The following THBS3 variants were observed in gnomAD, a reference collection of about 807,000 sequenced individuals.
THBS3 encodes thrombospondin 3.
In THBS3, 78 loss-of-function variants were observed where a neutral mutation model predicts 118.3. The observed-to-expected ratio is 0.66, with a 90% CI of 0.55 to 0.80. The LOEUF is 0.80. Ranked by LOEUF, THBS3 falls within the 30% of genes least tolerant of loss-of-function variation. The probability of loss-of-function intolerance (pLI) is 0.00; values close to 1 mark genes in which losing one functional copy is unlikely to be tolerated. For synonymous variants in THBS3, 427 were observed against 475.3 expected (o/e 0.90, Z 1.32); for missense variants, 1,057 against 1,247.4 (o/e 0.85, Z 2.30).
Position 155,201,712 on chromosome 1 carries a change from C to T in THBS3, c.1177-143G>A, listed in dbSNP as rs1470466085. ...ATCTCCTTTAGGTTATCATGACAAC[C>T]TTTCAGGGTGGATAACAGCCTCAGT... On this transcript the variant is annotated intron_variant, in intron 10 of 22. Coordinates refer to ENST00000368378, the MANE Select transcript of THBS3 (RefSeq NM_007112.5). 5 of 1,060,306 alleles carry T rather than the reference C, an allele frequency of 4.7e-6. No individual in the cohort carries two copies. The Admixed American group carries it at 1.0e-4, about 21-fold the overall frequency. 65.7% of individuals were successfully genotyped at this position (1,060,306 alleles called of 1,614,324 possible).
At chr1:155,208,721 CCGG>C, upstream of THBS3, 1 of 1,323,628 alleles carries the variant, frequency 7.6e-7, no homozygotes, top group Non-Finnish European at 1.0e-6. Flanking sequence ...GGCCTCCGCT[CCGG>C]CCGCCGCCAC....
Position 155,202,519 on chromosome 1 carries a change from T to A in THBS3, c.958-118A>T. On this transcript the variant is annotated intron_variant, in intron 8 of 22. Transcript: ENST00000368378. The surrounding 1 kb of genome is among the most constrained non-coding windows in gnomAD (Gnocchi z 5.5). ...CTTTGTGCAGCTCTCCCCACACAACTGCCTTGTGCTCCTGGTCCCCACCCC... is the reference window on the plus strand; with the variant it reads ...CTTTGTGCAGCTCTCCCCACACAACAGCCTTGTGCTCCTGGTCCCCACCCC... 2 of 1,408,776 alleles carry A rather than the reference T, an allele frequency of 1.4e-6. No individual in the cohort carries two copies. The highest frequency in any genetic ancestry group is 2.7e-5 in the South Asian group (2 of 72,988). The allele number at this position is 1,408,776 out of a possible 1,614,324, so 87.3% of individuals were successfully genotyped here.
At chr1:155,208,767 C>T, upstream of THBS3, 2 of 1,448,080 alleles carry the variant, frequency 1.4e-6, no homozygotes, top group Admixed American at 2.5e-5. Flanking sequence ...CGACAGGCGG[C>T]GCAGGGCCCG....
chr1:155,204,903 C>A lies in THBS3; in HGVS notation c.598G>T (p.Ala200Ser). The A allele has an allele frequency of 6.2e-7, 1 of 1,613,992 alleles. No homozygotes were observed. The highest frequency in any genetic ancestry group is 1.1e-5 in the South Asian group (1 of 91,078). The change falls in exon 4 of 23, where the codon GCC (alanine) becomes TCC (serine). Residue 200 changes from alanine (A) to serine (S), a missense_variant. Around this residue, in one of 3 missense-constraint regions of THBS3, gnomAD observed 544 missense variants for 715.6 expected, o/e 0.76. Coordinates refer to ENST00000368378, the MANE Select transcript of THBS3 (RefSeq NM_007112.5). Reference sequence around the variant, plus strand: ...CCTTGGAATGGACACTCACTCAGGGCTCCTACCCGGGCCATGGACCCACCC... The same window carrying A: ...CCTTGGAATGGACACTCACTCAGGGATCCTACCCGGGCCATGGACCCACCC... ...ILGGSMARVG[A>S]LSECPFQGDE...
At chr1:155,201,720 G>A (rs761010294) in intron 10 of THBS3, 151 bp from the exon 11 acceptor site, 2 of 1,010,540 alleles carry the variant, frequency 2.0e-6, no homozygotes, top group Non-Finnish European at 2.9e-6. Flanking sequence ...ACCTTTCAGG[G>A]TGGATAACAG....
rs767458587 is a variant in THBS3, at chr1:155,197,100, C to T, written c.2613G>A (p.Trp871Ter). 12 of 1,614,196 alleles carry T rather than the reference C, an allele frequency of 7.4e-6. No homozygotes were observed. The highest frequency in any genetic ancestry group is 9.3e-6 in the Non-Finnish European group (11 of 1,180,028). ...LLWTDPRNVG[W>*]RDKTSYRWQL... is the part of the protein sequence containing the mutation. The stretch of plus-strand genomic sequence containing the variant: ...GCCAGCGATAGGAGGTCTTGTCCCG[C>T]CAGCCCACATTTCGTGGGTCTGTCC... Residue 871 changes from tryptophan to a stop codon, truncating the protein, a stop_gained, in exon 21 of 23, where the codon TGG (tryptophan) becomes TGA (stop). Coordinates refer to ENST00000368378, the MANE Select transcript of THBS3 (RefSeq NM_007112.5). LOFTEE classifies it high-confidence loss of function. This position sits in a 1 kb window ranked among gnomAD's most constrained non-coding sequence, Gnocchi z 5.0.
At chr1:155,205,935 T>C (rs1670484084) in intron 2 of THBS3, among the ~76,000 whole-genome samples, 1 of 152,152 alleles carries the variant, frequency 6.6e-6, no homozygotes, top group Admixed American at 6.5e-5. Flanking sequence ...GAGACATGCC[T>C]CACCCTCCTT....
Position 155,202,365 on chromosome 1 carries a change from A to G in THBS3, c.994T>C (p.Cys332Arg). 6.2e-7 allele frequency: 1 copy of G among 1,614,026 alleles called. No individual in the cohort carries two copies. The highest frequency in any genetic ancestry group is 8.5e-7 in the Non-Finnish European group (1 of 1,180,008). ...TGGAAGCCGGGCATGGTGTTGATGCAGCTGGAGCCCGGGAAACAGGGGTCA... is the reference window on the plus strand; with the variant it reads ...TGGAAGCCGGGCATGGTGTTGATGCGGCTGGAGCCCGGGAAACAGGGGTCA... ...HADPCFPGSS[C>R]INTMPGFHCE... Residue 332 changes from cysteine (C) to arginine (R), a missense_variant, in exon 9 of 23, where the codon TGC becomes CGC. Coordinates refer to ENST00000368378, the MANE Select transcript of THBS3 (RefSeq NM_007112.5). The surrounding 1 kb of genome is among the most constrained non-coding windows in gnomAD (Gnocchi z 5.5).
chr1:155,209,122 C>T (rs1411992041), upstream of THBS3: 2 of 1,541,924 alleles, frequency 1.3e-6, no homozygotes, highest in Non-Finnish European at 8.8e-7. Flanking sequence ...CCAGAAGAAG[C>T]CTCGCCTCCC....
In THBS3 at chr1:155,202,781, C is replaced by T; in HGVS notation, c.957+31G>A. ...CTCCTGACATCCTCACCCCAGTTTT[C>T]TGTACCCTTCTGGGCTCTGACCTCC... On this transcript the variant is annotated intron_variant, in intron 8 of 22. Coordinates refer to ENST00000368378, the MANE Select transcript of THBS3 (RefSeq NM_007112.5). The surrounding 1 kb of genome is among the most constrained non-coding windows in gnomAD (Gnocchi z 5.5). 1 of 1,587,970 alleles carries T rather than the reference C, an allele frequency of 6.3e-7. No individual in the cohort carries two copies. Among genetic ancestry groups the T allele is most frequent in the South Asian group, 1.1e-5 (1 of 87,638 alleles).
Position 155,197,832 on chromosome 1 carries a change from T to C in THBS3, c.2302+48A>G, listed in dbSNP as rs1157313894. 1 of 1,613,108 alleles carries C rather than the reference T, an allele frequency of 6.2e-7. No homozygotes were observed. Among genetic ancestry groups the C allele is most frequent in the Admixed American group, 1.7e-5 (1 of 60,006 alleles). On this transcript the variant is annotated intron_variant, in intron 19 of 22. Coordinates refer to ENST00000368378, the MANE Select transcript of THBS3 (RefSeq NM_007112.5). The surrounding 1 kb of genome is among the most constrained non-coding windows in gnomAD (Gnocchi z 5.0). Reference sequence around the variant, plus strand: ...TTTCCTCCCCTACCCTCTGCCCCTATAGGATTCCTCCATTTGGAAGTGATT... The same window carrying C: ...TTTCCTCCCCTACCCTCTGCCCCTACAGGATTCCTCCATTTGGAAGTGATT...
chr1:155,201,231 A>T, intron 11 of THBS3, 27 bp from the exon 12 acceptor site: 1 of 1,613,674 alleles, frequency 6.2e-7, no homozygotes, highest in East Asian at 2.2e-5. Context: ...GGTAGGAGCT[A>T]GCAGTTTGGT....
chr1:155,199,723 C>T, intron 16 of THBS3, 81 bp downstream of exon 16: 1 of 1,517,812 alleles, frequency 6.6e-7, no homozygotes. Context: ...CCACTGTACT[C>T]CAGCCTAGGT....
In THBS3 at chr1:155,197,250, G is replaced by C. The variant is rs1262901477; in HGVS notation, c.2500-37C>G. The C allele has an allele frequency of 6.2e-7, 1 of 1,603,598 alleles. No homozygotes were observed. Among genetic ancestry groups the C allele is most frequent in the South Asian group, 1.1e-5 (1 of 90,746 alleles). On this transcript the variant is annotated intron_variant, in intron 20 of 22. Transcript: ENST00000368378. The surrounding 1 kb of genome is among the most constrained non-coding windows in gnomAD (Gnocchi z 5.0). ...TGGCAAAGACAGTGGGTCAACTGCAGAACTGGAGTGAGGGGAGACAACAGG... is the reference window on the plus strand; with the variant it reads ...TGGCAAAGACAGTGGGTCAACTGCACAACTGGAGTGAGGGGAGACAACAGG...
In THBS3 at chr1:155,197,928, C is replaced by T. The variant is rs1668961767; in HGVS notation, c.2254G>A (p.Gly752Ser). ...TTCATGGTCTGAACGATTTCCATGC[C>T]CTGGGGTTGTATAGTAAAGAAAAAG... ...IDPNWVVLNQ[G>S]MEIVQTMNSD... The change falls in exon 19 of 23, where the codon GGC becomes AGC. Residue 752 changes from glycine (G) to serine (S), a missense_variant and splice_region_variant. Gly to Ser is a moderately conservative substitution (Grantham distance 56). Transcript: ENST00000368378. The surrounding 1 kb of genome is among the most constrained non-coding windows in gnomAD (Gnocchi z 5.0). The T allele has an allele frequency of 6.2e-7, 1 of 1,614,150 alleles. No individual in the cohort carries two copies. The highest frequency in any genetic ancestry group is 8.5e-7 in the Non-Finnish European group (1 of 1,180,036).
chr1:155,198,257 G>A (rs760142387), intron 17 of THBS3, 37 bp from the exon 18 acceptor site: 1 of 1,609,738 alleles, frequency 6.2e-7, no homozygotes, highest in Non-Finnish European at 8.5e-7. Flanking sequence ...GGAAGGCCCT[G>A]GCCACTGCCA....
In THBS3 at chr1:155,204,903, C is replaced by G. The variant is rs1670321992; in HGVS notation, c.598G>C (p.Ala200Pro). 1 of 1,613,992 alleles carries G rather than the reference C, an allele frequency of 6.2e-7. No individual in the cohort carries two copies. The highest frequency in any genetic ancestry group is 8.5e-7 in the Non-Finnish European group (1 of 1,180,022). ...ILGGSMARVG[A>P]LSECPFQGDE... The stretch of plus-strand genomic sequence containing the variant: ...CCTTGGAATGGACACTCACTCAGGG[C>G]TCCTACCCGGGCCATGGACCCACCC... The change falls in exon 4 of 23, where the codon GCC becomes CCC. Residue 200 changes from alanine (A) to proline (P), a missense_variant. Physicochemically the swap from Ala to Pro is conservative, Grantham distance 27 (BLOSUM62 -1). Around this residue, in one of 3 missense-constraint regions of THBS3, gnomAD observed 544 missense variants for 715.6 expected, o/e 0.76. Transcript: ENST00000368378.
In THBS3 at chr1:155,198,217, T is replaced by C. The variant is rs1669017425; in HGVS notation, c.2078A>G (p.Asn693Ser). 1.2e-6 allele frequency: 2 copies of C among 1,613,882 alleles called. No homozygotes were observed. The highest frequency in any genetic ancestry group is 1.1e-5 in the South Asian group (1 of 91,084). ...ATCCTCACACACATCACCAACGCCA[T>C]TGCCTGGGCAGAGTGAGGCTGGGTG... ...PNPNQKDSDG[N>S]GVGDVCEDDF... The change falls in exon 18 of 23, where the codon AAT becomes AGT. Residue 693 changes from asparagine to serine, a missense_variant. Asn to Ser is a conservative substitution (Grantham distance 46, BLOSUM62 1). Transcript: ENST00000368378.
At position 155,197,127 on chromosome 1, in the gene THBS3, C is replaced by T; in HGVS notation, c.2586G>A (p.Leu862=). The T allele has an allele frequency of 6.2e-7, 1 of 1,614,218 alleles. No homozygotes were observed. Among genetic ancestry groups the T allele is most frequent in the South Asian group, 1.1e-5 (1 of 91,090 alleles). The part of the protein sequence containing the change: ...TGHTPDQVRL[L]WTDPRNVGWR... Reference sequence around the variant, plus strand: ...AGCCCACATTTCGTGGGTCTGTCCACAGCAGTCGTACCTGATCAGGGGTGT... The same window carrying T: ...AGCCCACATTTCGTGGGTCTGTCCATAGCAGTCGTACCTGATCAGGGGTGT... The change falls in exon 21 of 23, where the codon CTG becomes CTA. Residue 862 remains leucine (L), a synonymous_variant. Transcript: ENST00000368378. The surrounding 1 kb of genome is among the most constrained non-coding windows in gnomAD (Gnocchi z 5.0).
Sources: allele counts gnomAD v4.1 joint callset (sites outside exome capture counted in the v4.1 genomes callset), GRCh38; gene constraint gnomAD v4.1.1; regional missense constraint gnomAD v4.1.1; non-coding constraint Gnocchi (gnomAD v3.1); transcripts MANE v1.5; gene names NCBI Gene and HGNC (gene_info 2026-07-23, HGNC 2026-07-21).